SSUH2: variants seen among roughly 807,000 people sequenced by gnomAD.
SSUH2 encodes protein SSUH2 homolog.
SSUH2 carries 47 observed loss-of-function variants against 55.3 expected under a neutral mutation model. The ratio of observed to expected loss-of-function variants is 0.85; its 90% confidence interval spans 0.67 to 1.08. The LOEUF is 1.08. Ranked by LOEUF, SSUH2 falls within the 50% of genes least tolerant of loss-of-function variation. The pLI, the probability that SSUH2 is intolerant of heterozygous loss-of-function variation, is 0.00. For missense variants in SSUH2, 535 were observed against 490.7 expected (o/e 1.09, Z -0.85); for synonymous variants, 212 against 191.5 (o/e 1.11, Z -0.89).
chr3:8,676,851 G>A (rs1053065089), intron 3 of SSUH2, among the ~76,000 whole-genome samples: 1 of 148,302 alleles, frequency 6.7e-6, no homozygotes, highest in Non-Finnish European at 1.5e-5. Flanking sequence ...TGGCCCTTAG[G>A]ACCCCCATCG....
chr3:8,633,577 C>T (rs958466167), intron 4 of SSUH2, 89 bp downstream of exon 4: 17 of 1,131,742 alleles, frequency 1.5e-5, no homozygotes, highest in Middle Eastern at 3.0e-4. Context: ...TTTCCCCTGG[C>T]CACATCACAC....
intron 4 of SSUH2, chr3:8,671,215 T>C (rs1427829662): frequency 1.2e-5 from 2 of 167,874 alleles, no homozygotes; most frequent in African/African-American, 2.3e-5. Flanking sequence ...GTAACATTTC[T>C]ATAGAACATT....
chr3:8,679,992 C>T (rs1490593746), intron 1 of SSUH2: 1 of 152,184 alleles, frequency 6.6e-6, no homozygotes, highest in Non-Finnish European at 1.5e-5. Flanking sequence ...AGGGGGATCC[C>T]AACAACAGCA....
intron 6 of SSUH2, 27 bp downstream of exon 6, chr3:8,630,778 T>C: frequency 7.4e-7 from 1 of 1,355,504 alleles, no homozygotes; most frequent in Non-Finnish European, 9.6e-7. Flanking sequence ...AGGGCAAGTA[T>C]TCCAGTAATC....
At chr3:8,626,465 T>C (rs1697551201) in intron 8 of SSUH2, 144 bp from the exon 9 acceptor site, 1 of 630,746 alleles carries the variant, frequency 1.6e-6, no homozygotes, top group Non-Finnish European at 2.9e-6. Flanking sequence ...TAGTCCTCCT[T>C]CTGCTGGCAG....
chr3:8,661,063 G>A (rs987270390), intron 6 of SSUH2, among the ~76,000 whole-genome samples: 1 of 152,228 alleles, frequency 6.6e-6, no homozygotes, highest in African/African-American at 2.4e-5. Context: ...ATGCATTTCT[G>A]GCTCTCATGC....
At chr3:8,663,519 A>C (rs1703698937) in intron 6 of SSUH2, among the ~76,000 whole-genome samples, 1 of 152,010 alleles carries the variant, frequency 6.6e-6, no homozygotes, top group Non-Finnish European at 1.5e-5. Flanking sequence ...GAAAATTAAG[A>C]AGGCGTGGTT....
At chr3:8,637,432 C>T (rs1700102086) in intron 1 of SSUH2, among the ~76,000 whole-genome samples, 1 of 152,208 alleles carries the variant, frequency 6.6e-6, no homozygotes, top group Non-Finnish European at 1.5e-5. Context: ...GTTCATGAAA[C>T]ACCTTCCCAC....
chr3:8,674,481 G>A (rs368234131), intron 3 of SSUH2, among the ~76,000 whole-genome samples: 18 of 152,294 alleles, frequency 1.2e-4, no homozygotes, highest in African/African-American at 4.3e-4. Flanking sequence ...TAGAGACATT[G>A]ATTTTCTTGT....
intron 1 of SSUH2, among the ~76,000 whole-genome samples, chr3:8,637,122 C>T (rs886885833): frequency 2.0e-5 from 3 of 152,158 alleles, no homozygotes; most frequent in Non-Finnish European, 4.4e-5. Context: ...ATATGACACA[C>T]TCTCGTGACG....
At chr3:8,633,302 C>T (rs1476933074) in intron 4 of SSUH2, among the ~76,000 whole-genome samples, 1 of 152,080 alleles carries the variant, frequency 6.6e-6, no homozygotes, top group Non-Finnish European at 1.5e-5. Flanking sequence ...CACCACCACG[C>T]CCGGCTAATT....
chr3:8,679,024 C>T lies in SSUH2; in HGVS notation c.-901+681G>A, dbSNP rs1192014092. Among the ~76,000 whole-genome samples the T allele has an allele frequency of 5.5e-4, 61 of 111,202 alleles. 10 individuals are homozygous for T. The highest frequency in any genetic ancestry group is 2.9e-3 in the East Asian group (13 of 4,518). 73.0% of individuals were successfully genotyped at this position (111,202 alleles called of 152,430 possible). ...GACTGAGAGCCAGCCCCTCTTCCCC[C>T]CCTGGCTCTTAGGACACCAAACGCA... is the stretch of plus-strand genomic sequence containing the variant. On this transcript the variant is annotated intron_variant, in intron 2 of 18. Coordinates refer to the SSUH2 transcript ENST00000317371.
chr3:8,669,108 C>T (rs1264171816), intron 5 of SSUH2, among the ~76,000 whole-genome samples: 5 of 152,190 alleles, frequency 3.3e-5, no homozygotes, highest in African/African-American at 1.2e-4. Flanking sequence ...AGCATACTCT[C>T]TCATTCAAAT....
chr3:8,646,215 T>C (rs1027123397), upstream of SSUH2, among the ~76,000 whole-genome samples: 1 of 152,164 alleles, frequency 6.6e-6, no homozygotes, highest in Non-Finnish European at 1.5e-5. Context: ...TCTGTTTAGG[T>C]GTGTGTTTGC....
At chr3:8,656,699 C>T (rs764114179) in intron 7 of SSUH2, among the ~76,000 whole-genome samples, 2 of 152,180 alleles carry the variant, frequency 1.3e-5, no homozygotes, top group Admixed American at 6.5e-5. Context: ...TTGTTATTAG[C>T]CTCAGTTTAT....
At chr3:8,639,944 C>T in intron 1 of SSUH2, 6 of 985,082 alleles carry the variant, frequency 6.1e-6, no homozygotes, top group Non-Finnish European at 7.2e-6. Context: ...AACAGCAAAC[C>T]TACCACGATG....
intron 2 of SSUH2, among the ~76,000 whole-genome samples, chr3:8,679,226 G>A (rs1395992798): frequency 2.5e-4 from 1 of 3,956 alleles, no homozygotes; most frequent in South Asian, 0.026. Flanking sequence ...GGCACCCTCC[G>A]TGAGCGGGGA....
chr3:8,666,867 T>G (rs1433374964), intron 5 of SSUH2, among the ~76,000 whole-genome samples: 1 of 152,220 alleles, frequency 6.6e-6, no homozygotes, highest in East Asian at 1.9e-4. Flanking sequence ...TTGACTCATT[T>G]GCTGGAGCAG....
At chr3:8,631,919 TA>T in intron 5 of SSUH2, 129 bp downstream of exon 5, 1 of 699,706 alleles carries the variant, frequency 1.4e-6, no homozygotes, top group South Asian at 1.7e-5. Context: ...TTGCAGGGGG[TA>T]AGGAAGCCAA....
Sources: allele counts gnomAD v4.1 joint callset (sites outside exome capture counted in the v4.1 genomes callset), GRCh38; gene constraint gnomAD v4.1.1; transcripts MANE v1.5; gene names NCBI Gene and HGNC (gene_info 2026-07-23, HGNC 2026-07-21).